Variants in GRID2 observed in about 807,000 individuals in gnomAD.
The protein encoded by GRID2 is glutamate receptor ionotropic, delta-2.
Under a neutral mutation model 114.8 loss-of-function variants are expected in GRID2, and 33 were observed. That is an observed-to-expected ratio of 0.29 (90% CI 0.22 to 0.38). The LOEUF is 0.38. Among genes scored for constraint, GRID2 ranks in the 10% least tolerant of loss-of-function variants. The pLI is 1.00. For synonymous variants in GRID2, 505 were observed against 449.9 expected (o/e 1.12, Z -1.55); for missense variants, 1,184 against 1,257.7 (o/e 0.94, Z 0.89).
intron 1 of GRID2, among the ~76,000 whole-genome samples, chr4:92,472,550 G>A (rs1722097519): frequency 6.6e-6 from 1 of 152,122 alleles, no homozygotes; most frequent in South Asian, 2.1e-4. Flanking sequence ...CACTGGTAAT[G>A]TATAAGAGTT....
chr4:93,312,847 T>A (rs1039233645), intron 8 of GRID2, among the ~76,000 whole-genome samples: 1 of 152,162 alleles, frequency 6.6e-6, no homozygotes, highest in Non-Finnish European at 1.5e-5. Flanking sequence ...TATTTAAATA[T>A]GCGTTTGAAG....
intron 13 of GRID2, among the ~76,000 whole-genome samples, chr4:93,624,685 A>G (rs1383086907): frequency 2.0e-5 from 3 of 152,232 alleles, no homozygotes; most frequent in Non-Finnish European, 4.4e-5. Context: ...ATGTTACATT[A>G]TTCTTTTAAT....
At chr4:93,005,484 C>T (rs1721418624) in intron 2 of GRID2, among the ~76,000 whole-genome samples, 1 of 152,008 alleles carries the variant, frequency 6.6e-6, no homozygotes, top group Non-Finnish European at 1.5e-5. Context: ...CAGCAGCAAG[C>T]ATGATCTTTT....
At position 93,677,084 on chromosome 4, in the gene GRID2, G is replaced by A. The variant is rs553774501; in HGVS notation, c.2360+50649G>A. ...CGGGTCACTCCCACCCAAATACTGC[G>A]CTTTCCCTACGGGCTTAGGAAATGG... On this transcript the variant is annotated intron_variant, in intron 14 of 15. Transcript: ENST00000282020. Among the ~76,000 whole-genome samples the A allele has an allele frequency of 9.2e-5, 14 of 152,214 alleles. No homozygotes were observed. The South Asian group carries it at 1.0e-3, about 11-fold the overall frequency.
chr4:93,000,368 G>A (rs1391792371), intron 2 of GRID2, among the ~76,000 whole-genome samples: 1 of 151,472 alleles, frequency 6.6e-6, no homozygotes, highest in South Asian at 2.1e-4. Flanking sequence ...GAGAATTATT[G>A]AATACCATGA....
chr4:92,658,445 G>C (rs1201119782), intron 2 of GRID2, among the ~76,000 whole-genome samples: 3 of 151,772 alleles, frequency 2.0e-5, no homozygotes, highest in Non-Finnish European at 4.4e-5. Context: ...CAGGGAATTA[G>C]ATTAGCCACG....
chr4:93,164,644 A>C lies in GRID2; in HGVS notation c.736-42760A>C, dbSNP rs1191118057. 3.0e-5 allele frequency: 10 copies of C among 328,968 alleles called. No individual in the cohort carries two copies. The East Asian group carries it at 7.6e-4, about 25-fold the overall frequency. 20.4% of individuals were successfully genotyped at this position (328,968 alleles called of 1,614,324 possible). On this transcript the variant is annotated intron_variant, in intron 4 of 15. Transcript: ENST00000282020. ...TATCAAACGAATGGTAGGGGAAAAA[A>C]ATGAAAATACCGGTTATCCTTGTTT...
chr4:92,719,922 T>TATCTCCTAGTATTA (rs1213691197), intron 2 of GRID2, among the ~76,000 whole-genome samples: 1 of 152,150 alleles, frequency 6.6e-6, no homozygotes. Context: ...GTTCTGCTTC[T>TATCTCCTAGTATTA]TCTCCTAGTA....
chr4:92,858,959 G>T (rs1420662092), intron 2 of GRID2, among the ~76,000 whole-genome samples: 1 of 152,146 alleles, frequency 6.6e-6, no homozygotes, highest in Non-Finnish European at 1.5e-5. Context: ...TGACAACAAA[G>T]GATTTCAAAT....
At chr4:93,628,199 C>A (rs1742901943) in intron 14 of GRID2, among the ~76,000 whole-genome samples, 1 of 151,944 alleles carries the variant, frequency 6.6e-6, no homozygotes, top group South Asian at 2.1e-4. Context: ...TATTGACGAG[C>A]AAATTCTAAG....
intron 13 of GRID2, among the ~76,000 whole-genome samples, chr4:93,595,624 G>A (rs1385811559): frequency 6.6e-6 from 1 of 152,158 alleles, no homozygotes; most frequent in Non-Finnish European, 1.5e-5. Context: ...TCACTCTCTT[G>A]AGAGCTATTA....
At chr4:92,729,650 C>T (rs1232279359) in intron 2 of GRID2, among the ~76,000 whole-genome samples, 2 of 151,916 alleles carry the variant, frequency 1.3e-5, no homozygotes, top group East Asian at 3.9e-4. Context: ...CTCATTTGAC[C>T]AGCAGACCCT....
rs184876547 is a variant in GRID2, at chr4:92,865,184, C to A, written c.245-219811C>A. Among the ~76,000 whole-genome samples, 727 of 152,186 alleles carry A rather than the reference C, an allele frequency of 4.8e-3. 2 individuals carry two copies. The highest frequency in any genetic ancestry group is 7.4e-3 in the Non-Finnish European group (500 of 68,000). ...TTATTTCTACAGAACCCTAGAGCAC[C>A]AATTGTTTATTTTCAAAAACTCCTG... On this transcript the variant is annotated intron_variant, in intron 2 of 15. Coordinates refer to ENST00000282020, the MANE Select transcript of GRID2 (RefSeq NM_001510.4).
At chr4:92,924,602 A>G (rs929056660) in intron 2 of GRID2, among the ~76,000 whole-genome samples, 1 of 152,108 alleles carries the variant, frequency 6.6e-6, no homozygotes, top group African/African-American at 2.4e-5. Flanking sequence ...TTGTAGATAG[A>G]TCGGTCCATG....
At chr4:92,449,676 GATATATATATATATATAT>G (rs371209786) in intron 1 of GRID2, among the ~76,000 whole-genome samples, 24 of 96,764 alleles carry the variant, frequency 2.5e-4, no homozygotes, top group Admixed American at 9.8e-4. Context: ...TTTTCTTACT[GATATATATATATATATAT>G]ATATATATAT....
At chr4:93,507,791 G>C (rs779866180) in intron 12 of GRID2, among the ~76,000 whole-genome samples, 11 of 152,134 alleles carry the variant, frequency 7.2e-5, no homozygotes, top group Non-Finnish European at 1.5e-4. Flanking sequence ...TACGTTTTTT[G>C]GTCCTAATTG....
intron 14 of GRID2, among the ~76,000 whole-genome samples, chr4:93,756,580 G>A (rs1441228464): frequency 6.6e-6 from 1 of 152,104 alleles, no homozygotes; most frequent in Non-Finnish European, 1.5e-5. Context: ...AAACATGATG[G>A]TGTCTCTTCT....
At chr4:93,407,556 A>G (rs1424244033) in intron 9 of GRID2, among the ~76,000 whole-genome samples, 1 of 152,252 alleles carries the variant, frequency 6.6e-6, no homozygotes, top group Non-Finnish European at 1.5e-5. Context: ...AAAAAAGTCC[A>G]TAATGCTTGA....
chr4:93,627,154 C>T (rs572241750), intron 14 of GRID2, among the ~76,000 whole-genome samples: 1 of 152,220 alleles, frequency 6.6e-6, no homozygotes, highest in East Asian at 1.9e-4. Context: ...AAGCTTGGAC[C>T]TAAGACAGAT....
Sources: allele counts gnomAD v4.1 joint callset (sites outside exome capture counted in the v4.1 genomes callset), GRCh38; gene constraint gnomAD v4.1.1; transcripts MANE v1.5; gene names NCBI Gene and HGNC (gene_info 2026-07-23, HGNC 2026-07-21).